The following LIFR variants were observed in gnomAD, a reference collection of about 807,000 sequenced individuals.
LIFR encodes the protein LIF receptor subunit alpha.
LIFR carries 84 observed loss-of-function variants against 122.2 expected under a neutral mutation model. That is an observed-to-expected ratio of 0.69 (90% CI 0.58 to 0.82). The LOEUF is 0.82. Among genes scored for constraint, LIFR ranks in the 40% least tolerant of loss-of-function variants. LIFR has a pLI of 0.00. For synonymous variants in LIFR, 422 were observed against 434.7 expected (o/e 0.97, Z 0.36); for missense variants, 1,294 against 1,311.6 (o/e 0.99, Z 0.21).
At chr5:38,562,572 G>A (rs1004465047) in intron 1 of LIFR, among the ~76,000 whole-genome samples, 2 of 152,176 alleles carry the variant, frequency 1.3e-5, no homozygotes, top group African/African-American at 2.4e-5. Context: ...GTGATATTAA[G>A]CCCATTATTG....
chr5:38,607,195 G>A (rs890850920), intron 1 of LIFR, among the ~76,000 whole-genome samples: 8 of 152,060 alleles, frequency 5.3e-5, no homozygotes, highest in East Asian at 3.9e-4. Flanking sequence ...TCTTAGAATC[G>A]TCTTATATTT....
chr5:38,493,503 C>A (rs1744708015), intron 14 of LIFR, 103 bp downstream of exon 14: 2 of 1,117,598 alleles, frequency 1.8e-6, no homozygotes, highest in Non-Finnish European at 2.7e-6. Context: ...CCTATTTATA[C>A]CCATCCAGCA....
rs1215310563 is a variant in LIFR at position 38,532,904 on chromosome 5, A to G, written c.-19-2238T>C. Among the ~76,000 whole-genome samples the G allele has an allele frequency of 2.0e-5, 3 of 152,290 alleles. No homozygotes were observed. In the South Asian group the frequency reaches 6.2e-4, roughly 32 times the overall value. ...ATGCCTTATTCCTTAGAGGAGCACAAATTTTTATACGATTTCAGGAGCTAA... is the reference window on the plus strand; with the variant it reads ...ATGCCTTATTCCTTAGAGGAGCACAGATTTTTATACGATTTCAGGAGCTAA... On this transcript the variant is annotated intron_variant, in intron 1 of 19. Transcript: ENST00000453190.
chr5:38,566,017 A>G (rs1749012441), intron 1 of LIFR, among the ~76,000 whole-genome samples: 1 of 152,220 alleles, frequency 6.6e-6, no homozygotes, highest in South Asian at 2.1e-4. Context: ...CTTACGTATT[A>G]AGACTCTCAA....
At chr5:38,598,259 TC>T (rs1292733695), upstream of LIFR, among the ~76,000 whole-genome samples, 3,311 of 50,256 alleles carry the variant, frequency 0.066, 602 homozygotes, top group African/African-American at 0.13. Context: ...TTTTTTTTTT[TC>T]TTTTTAGAGG....
At position 38,479,878 on chromosome 5, in the gene LIFR, T is replaced by C. The variant is rs1281466922; in HGVS notation, c.*1717A>G. On this transcript the variant is annotated 3_prime_UTR_variant, in exon 20 of 20. Transcript: ENST00000453190. ...TATTATATAGTTTTAATATACTATG[T>C]ATGTACAAAATGAATTGCATTTCAT... 8.9e-6 allele frequency: 2 copies of C among 225,682 alleles called. No individual in the cohort carries two copies. The highest frequency in any genetic ancestry group is 2.2e-5 in the African/African-American group (1 of 44,928). The allele number at this position is 225,682 out of a possible 1,614,324, so 14.0% of individuals were successfully genotyped here. A position where few individuals can be genotyped will look rare whatever the true frequency, so the allele number is the denominator to read the frequency against.
intron 2 of LIFR, among the ~76,000 whole-genome samples, chr5:38,529,764 T>C (rs2112568320): frequency 6.6e-6 from 1 of 152,308 alleles, no homozygotes; most frequent in Non-Finnish European, 1.5e-5. Flanking sequence ...TTTTTGTACA[T>C]GGTTGGTACG....
chr5:38,580,407 C>T (rs1318320786), intron 1 of LIFR, among the ~76,000 whole-genome samples: 1 of 152,158 alleles, frequency 6.6e-6, no homozygotes, highest in Non-Finnish European at 1.5e-5. Context: ...CTTCCTTTCC[C>T]TTATCACTGC....
At chr5:38,483,036 T>C (rs191803809) in intron 18 of LIFR, among the ~76,000 whole-genome samples, 93 of 152,328 alleles carry the variant, frequency 6.1e-4, no homozygotes, top group African/African-American at 2.1e-3. Context: ...GTCATAAAGG[T>C]GATAACTACA....
rs58882043 is a variant in LIFR at position 38,505,401 on chromosome 5, TACACACACACAC to T, written c.1291+492_1291+503del. 1.3e-3 allele frequency among the ~76,000 whole-genome samples: 176 copies of T among 139,464 alleles called. 2 individuals are homozygous for T. Among genetic ancestry groups the T allele is most frequent in the Middle Eastern group, 7.4e-3 (2 of 270 alleles). The allele number at this position is 139,464 out of a possible 152,430, so 91.5% of individuals were successfully genotyped here. A position where few individuals can be genotyped will look rare whatever the true frequency, so the allele number is the denominator to read the frequency against. ...TCTATACCTATAAATTGCATAGAAC[TACACACACACAC>T]ACACACACACACACACACACACACA... On this transcript the variant is annotated intron_variant, in intron 9 of 19. Transcript: ENST00000453190.
chr5:38,541,633 A>C (rs1359986752), intron 1 of LIFR, among the ~76,000 whole-genome samples: 1 of 152,210 alleles, frequency 6.6e-6, no homozygotes, highest in Non-Finnish European at 1.5e-5. Context: ...CAGATATCAA[A>C]AACTTCTGTT....
intron 14 of LIFR, 196 bp from the exon 15 acceptor site, chr5:38,490,487 T>C (rs1744527068): frequency 3.1e-6 from 1 of 325,346 alleles, no homozygotes; most frequent in Admixed American, 4.7e-5. Context: ...TTAAATTTAC[T>C]TCTATTTTAA....
chr5:38,532,798 G>C (rs1323682882), intron 1 of LIFR, among the ~76,000 whole-genome samples: 1 of 152,106 alleles, frequency 6.6e-6, no homozygotes, highest in Non-Finnish European at 1.5e-5. Context: ...AGTACTTTCA[G>C]AAAAAAAGTG....
chr5:38,558,783 T>G (rs1009688890), upstream of LIFR: 1 of 152,136 alleles, frequency 6.6e-6, no homozygotes, highest in African/African-American at 2.4e-5. Flanking sequence ...TCAGATCGCG[T>G]GAGAATTCAG....
chr5:38,583,460 A>G (rs1749651131), intron 1 of LIFR, among the ~76,000 whole-genome samples: 1 of 152,204 alleles, frequency 6.6e-6, no homozygotes. Flanking sequence ...ATGAGACTAC[A>G]ACAAACTATA....
In LIFR at chr5:38,476,320, A is replaced by C; in HGVS notation, c.*5275T>G. 1 of 207,350 alleles carries C rather than the reference A, an allele frequency of 4.8e-6. No individual in the cohort carries two copies. Among genetic ancestry groups the C allele is most frequent in the Non-Finnish European group, 9.8e-6 (1 of 101,636 alleles). 12.8% of individuals were successfully genotyped at this position (207,350 alleles called of 1,614,324 possible). On this transcript the variant is annotated 3_prime_UTR_variant, in exon 20 of 20. Transcript: ENST00000453190. Reference sequence around the variant, plus strand: ...ATGAAAATTGTACTACCACCTAGAGATATTTTGATCTTTTATAATACACAA... The same window carrying C: ...ATGAAAATTGTACTACCACCTAGAGCTATTTTGATCTTTTATAATACACAA...
chr5:38,551,024 C>G (rs1325308572), intron 1 of LIFR, among the ~76,000 whole-genome samples: 1 of 152,060 alleles, frequency 6.6e-6, no homozygotes, highest in Non-Finnish European at 1.5e-5. Context: ...CAGACTCTCC[C>G]AAAAGAACAA....
At chr5:38,486,007 A>G (rs762332637) in intron 16 of LIFR, 27 bp from the exon 17 acceptor site, 4 of 1,595,164 alleles carry the variant, frequency 2.5e-6, no homozygotes, top group Admixed American at 1.7e-5. Context: ...GTATGTTAGC[A>G]CTAATCTCTA....
intron 1 of LIFR, among the ~76,000 whole-genome samples, chr5:38,592,341 T>C (rs1380724799): frequency 1.3e-5 from 2 of 152,124 alleles, no homozygotes; most frequent in South Asian, 2.1e-4. Flanking sequence ...TCAACTAGCT[T>C]CATAAATTAA....
Sources: allele counts gnomAD v4.1 joint callset (sites outside exome capture counted in the v4.1 genomes callset), GRCh38; gene constraint gnomAD v4.1.1; transcripts MANE v1.5; gene names NCBI Gene and HGNC (gene_info 2026-07-23, HGNC 2026-07-21).